Variants in SND1 observed in about 807,000 individuals in gnomAD.
SND1 encodes the protein staphylococcal nuclease and tudor domain containing 1.
Under a neutral mutation model 121.7 loss-of-function variants are expected in SND1, and 38 were observed. The observed-to-expected ratio is 0.31, with a 90% CI of 0.24 to 0.41. The LOEUF is 0.41. Among genes scored for constraint, SND1 ranks in the 10% least tolerant of loss-of-function variants. The pLI is 1.00. For synonymous variants in SND1, 401 were observed against 447.4 expected, an observed-to-expected ratio of 0.90 and a Z score of 1.31; for missense variants, 868 against 1,184.6, an observed-to-expected ratio of 0.73 and a Z score of 3.92.
At chr7:127,918,455 ATAAG>A (rs1323507847) in intron 14 of SND1, among the ~76,000 whole-genome samples, 2 of 152,194 alleles carry the variant, frequency 1.3e-5, no homozygotes, top group Admixed American at 6.5e-5. Flanking sequence ...TGCATCAAAT[ATAAG>A]TGAGTGAAAA....
intron 16 of SND1, among the ~76,000 whole-genome samples, chr7:128,036,039 A>G (rs1792743839): frequency 6.6e-6 from 1 of 152,252 alleles, no homozygotes; most frequent in South Asian, 2.1e-4. Context: ...GAACAGGAGC[A>G]AAGACATAAA....
chr7:128,016,814 T>C (rs1021765832), intron 16 of SND1, among the ~76,000 whole-genome samples: 2 of 152,348 alleles, frequency 1.3e-5, no homozygotes, highest in South Asian at 2.1e-4. Context: ...CTCTTAACCA[T>C]AGGAAACTTG....
chr7:127,883,919 A>G (rs1372354109), intron 12 of SND1, among the ~76,000 whole-genome samples: 2 of 152,098 alleles, frequency 1.3e-5, no homozygotes, highest in Admixed American at 6.6e-5. Context: ...ATTTGATTTG[A>G]GTCGTGTCTA....
At chr7:128,069,583 C>T (rs1793373516) in intron 16 of SND1, among the ~76,000 whole-genome samples, 1 of 152,188 alleles carries the variant, frequency 6.6e-6, no homozygotes, top group Non-Finnish European at 1.5e-5. Context: ...ATGGAGCTGA[C>T]AGTCTACTTG....
chr7:128,074,739 A>C, intron 17 of SND1, 49 bp downstream of exon 17: 1 of 1,516,916 alleles, frequency 6.6e-7, no homozygotes, highest in Non-Finnish European at 9.0e-7. Flanking sequence ...CGTCCTCCTC[A>C]CACACTAATG....
chr7:127,701,275 GA>G lies in SND1; in HGVS notation c.545del (p.Asn182ThrfsTer108). ...HTIRDLKYTI[E>X]NPRHFVDSHH... ...TATCCGGGATCTCAAGTATACCATT[GA>G]AAACCCAAGGCACTTTGTGGACTCA... On this transcript the variant is annotated frameshift_variant, in exon 5 of 24. Transcript: ENST00000354725. LOFTEE classifies it high-confidence loss of function. 1 of 1,614,058 alleles carries G rather than the reference GA, an allele frequency of 6.2e-7. No individual in the cohort carries two copies.
chr7:127,680,467 G>A (rs910207076), intron 1 of SND1, among the ~76,000 whole-genome samples: 3 of 152,078 alleles, frequency 2.0e-5, no homozygotes, highest in African/African-American at 7.2e-5. Flanking sequence ...ACCCAAGGGG[G>A]CCATTTTAGA....
intron 14 of SND1, among the ~76,000 whole-genome samples, chr7:127,926,549 C>CTTTTTTTTTTT (rs71160605): frequency 3.6e-4 from 33 of 90,550 alleles, no homozygotes; most frequent in South Asian, 7.0e-4. Flanking sequence ...TTTTCTTTTT[C>CTTTTTTTTTTT]TTTTTTTTTT....
In SND1 at chr7:127,992,773, A is replaced by G. The variant is rs554661774; in HGVS notation, c.1779+1717A>G. Among the ~76,000 whole-genome samples, 254 of 152,314 alleles carry G rather than the reference A, an allele frequency of 1.7e-3. 1 individual carries two copies. The highest frequency in any genetic ancestry group is 5.8e-3 in the African/African-American group (243 of 41,564). On this transcript the variant is annotated intron_variant, in intron 16 of 23. Transcript: ENST00000354725. ...CCCACTGATGAGATCCAAAAGTACA[A>G]GGGGATCAAAGAGAATACTGATCAC...
intron 1 of SND1, among the ~76,000 whole-genome samples, chr7:127,673,213 TATC>T (rs1479692629): frequency 1.5e-4 from 22 of 148,482 alleles, no homozygotes; most frequent in South Asian, 6.3e-4. Flanking sequence ...ATATAATAGA[TATC>T]ATGTAATGTT....
At chr7:127,880,866 C>T (rs751717433) in intron 12 of SND1, among the ~76,000 whole-genome samples, 3 of 152,064 alleles carry the variant, frequency 2.0e-5, no homozygotes, top group East Asian at 3.9e-4. Context: ...AGCTACCCAC[C>T]GTCTCCCACA....
At chr7:128,054,050 G>A (rs557493917) in intron 16 of SND1, among the ~76,000 whole-genome samples, 59 of 152,376 alleles carry the variant, frequency 3.9e-4, no homozygotes, top group Admixed American at 2.2e-3. Context: ...ACCACTGATC[G>A]CCGCTAAGGC....
chr7:128,040,389 C>T (rs1465481047), intron 16 of SND1, among the ~76,000 whole-genome samples: 3 of 138,724 alleles, frequency 2.2e-5, no homozygotes, highest in African/African-American at 8.1e-5. Context: ...CCTGAGATCG[C>T]ACCACTCACT....
At chr7:127,997,755 G>A (rs1334108834) in intron 16 of SND1, 2 of 534,588 alleles carry the variant, frequency 3.7e-6, no homozygotes, top group Non-Finnish European at 7.7e-6. Context: ...CTGTTATACT[G>A]GCAGTTCACC....
chr7:127,830,665 T>C (rs1584604204), intron 11 of SND1, among the ~76,000 whole-genome samples: 1 of 152,142 alleles, frequency 6.6e-6, no homozygotes, highest in African/African-American at 2.4e-5. Flanking sequence ...TCATGGAAAG[T>C]GCTGTTGGAT....
At chr7:127,999,414 T>A (rs1280495398) in intron 16 of SND1, 2 of 146,432 alleles carry the variant, frequency 1.4e-5, no homozygotes, top group Admixed American at 6.8e-5. Context: ...AAGGAAGAAA[T>A]ACAGTCCTCA....
At chr7:127,922,162 CT>C (rs1300582428) in intron 14 of SND1, among the ~76,000 whole-genome samples, 5 of 42,644 alleles carry the variant, frequency 1.2e-4, no homozygotes, top group Non-Finnish European at 2.7e-4. Context: ...AGCTGATTTT[CT>C]TTTTTTCTTT....
intron 15 of SND1, among the ~76,000 whole-genome samples, chr7:127,957,356 A>G (rs1801618754): frequency 6.6e-6 from 1 of 152,186 alleles, no homozygotes; most frequent in Admixed American, 6.5e-5. Context: ...TGTACGCTAT[A>G]GCCAGTTAGA....
At chr7:128,084,557 A>G (rs1011738970) in intron 18 of SND1, among the ~76,000 whole-genome samples, 167 bp from the exon 19 acceptor site, 1 of 152,192 alleles carries the variant, frequency 6.6e-6, no homozygotes, top group African/African-American at 2.4e-5. Flanking sequence ...AAACCTCTGG[A>G]GTGGAGACCA....
Sources: gnomAD v4.1 joint callset for allele counts (sites outside exome capture counted in the v4.1 genomes callset) on GRCh38, gnomAD v4.1.1 for gene constraint, MANE v1.5 for transcripts, NCBI Gene and HGNC (gene_info 2026-07-23, HGNC 2026-07-21) for gene names.